PTPRT: variants seen among roughly 807,000 people sequenced by gnomAD.
PTPRT encodes the protein protein tyrosine phosphatase receptor type T.
In PTPRT, 56 loss-of-function variants were observed where a neutral mutation model predicts 176.8. The ratio of observed to expected loss-of-function variants is 0.32; its 90% CI spans 0.26 to 0.40. The LOEUF (loss-of-function observed/expected upper bound fraction) is 0.40. Ranked by LOEUF, PTPRT falls within the 10% of genes least tolerant of loss-of-function variation. The pLI is 1.00. For synonymous variants in PTPRT, 783 were observed against 739.0 expected (o/e 1.06, Z -0.96); for missense variants, 1,540 against 1,908.2 (o/e 0.81, Z 3.60).
intron 1 of PTPRT, among the ~76,000 whole-genome samples, chr20:42,971,671 T>C (rs1270130077): frequency 6.6e-6 from 1 of 152,136 alleles, no homozygotes; most frequent in Non-Finnish European, 1.5e-5. Context: ...CTAGAAAGAT[T>C]CCCTAAATAT....
rs75922605 is a variant in PTPRT, at chr20:42,140,880, T to C, written c.2770+1035A>G. On this transcript the variant is annotated intron_variant, in intron 18 of 30. Transcript: ENST00000373187. ...CTAAGAGTAATGGTGCCAGGCACTG[T>C]AGCAAGAGTTTTATGTACCTTTAAA... Among the ~76,000 whole-genome samples the C allele has an allele frequency of 7.3e-3, 1,118 of 152,272 alleles. 14 individuals are homozygous for C. The highest frequency in any genetic ancestry group is 0.025 in the African/African-American group (1,027 of 41,546).
intron 15 of PTPRT, among the ~76,000 whole-genome samples, chr20:42,204,963 C>T (rs1490684156): frequency 2.1e-5 from 3 of 145,680 alleles, no homozygotes; most frequent in East Asian, 2.1e-4. Flanking sequence ...CTTGATACAA[C>T]GAAGGAATTT....
chr20:42,541,311 T>C (rs1436033548), intron 7 of PTPRT, among the ~76,000 whole-genome samples: 1 of 151,714 alleles, frequency 6.6e-6, no homozygotes. Context: ...GTGTTGGGGG[T>C]AGATTAGCTA....
chr20:42,747,319 T>C (rs1280257124), intron 6 of PTPRT, among the ~76,000 whole-genome samples: 2 of 152,142 alleles, frequency 1.3e-5, no homozygotes, highest in Non-Finnish European at 2.9e-5. Context: ...ACAGCAAATG[T>C]TTAAGCCCCT....
chr20:43,137,491 A>T (rs2013869530), intron 1 of PTPRT, among the ~76,000 whole-genome samples: 1 of 152,192 alleles, frequency 6.6e-6, no homozygotes, highest in South Asian at 2.1e-4. Context: ...TTGCAGAAAA[A>T]GTTAGCTACT....
At chr20:42,745,254 G>A (rs1477181868) in intron 6 of PTPRT, among the ~76,000 whole-genome samples, 1 of 152,168 alleles carries the variant, frequency 6.6e-6, no homozygotes, top group Non-Finnish European at 1.5e-5. Context: ...CAGCTCCATT[G>A]GCCAGAGGCC....
chr20:42,629,084 A>C (rs961161217), intron 7 of PTPRT, among the ~76,000 whole-genome samples: 3 of 152,144 alleles, frequency 2.0e-5, no homozygotes, highest in Admixed American at 6.5e-5. Context: ...TGAGATGGCC[A>C]GGCTAGATTT....
intron 22 of PTPRT, among the ~76,000 whole-genome samples, chr20:42,114,859 C>CT (rs1420741519): frequency 6.6e-6 from 1 of 152,208 alleles, no homozygotes; most frequent in Non-Finnish European, 1.5e-5. Context: ...CTGGTTCCTC[C>CT]TCCCTCATTC....
chr20:42,134,278 T>C (rs1392117814), intron 18 of PTPRT, among the ~76,000 whole-genome samples: 1 of 152,240 alleles, frequency 6.6e-6, no homozygotes, highest in Admixed American at 6.5e-5. Flanking sequence ...AGAATGTTCA[T>C]TATGCTCTAT....
At chr20:42,094,520 T>G (rs1055544950) in intron 27 of PTPRT, among the ~76,000 whole-genome samples, 14 of 152,152 alleles carry the variant, frequency 9.2e-5, no homozygotes, top group Non-Finnish European at 2.1e-4. Flanking sequence ...TCTCCTGGGC[T>G]CAAGTGATCC....
chr20:43,053,320 T>C (rs928821935), intron 1 of PTPRT, among the ~76,000 whole-genome samples: 1 of 152,208 alleles, frequency 6.6e-6, no homozygotes, highest in African/African-American at 2.4e-5. Context: ...ATCTGGATCA[T>C]GGCGGCTGAC....
chr20:42,493,034 A>G (rs979342760), intron 7 of PTPRT, among the ~76,000 whole-genome samples: 2 of 152,176 alleles, frequency 1.3e-5, no homozygotes, highest in Admixed American at 1.3e-4. Flanking sequence ...GCTAACTTGT[A>G]TCCACCTTAA....
intron 1 of PTPRT, among the ~76,000 whole-genome samples, chr20:43,177,040 A>G (rs1397843212): frequency 2.0e-5 from 3 of 152,226 alleles, no homozygotes; most frequent in Admixed American, 6.5e-5. Flanking sequence ...TAAAAAATGT[A>G]TAAGTTTGGG....
chr20:42,039,751 G>GTA, the PTPRT span, among the ~76,000 whole-genome samples: 13 of 141,930 alleles, frequency 9.2e-5, no homozygotes, highest in South Asian at 2.2e-4. Flanking sequence ...ATGTATTTAT[G>GTA]TATATATATA....
At chr20:42,610,482 A>T (rs2073957791) in intron 7 of PTPRT, among the ~76,000 whole-genome samples, 1 of 151,870 alleles carries the variant, frequency 6.6e-6, no homozygotes, top group Non-Finnish European at 1.5e-5. Context: ...GGCCTCCCAA[A>T]GGGCTGGGAT....
chr20:42,829,554 C>A (rs2078053289), intron 2 of PTPRT, among the ~76,000 whole-genome samples: 1 of 152,112 alleles, frequency 6.6e-6, no homozygotes, highest in Non-Finnish European at 1.5e-5. Context: ...ATGGTGAAAC[C>A]CCATCTCTAC....
At chr20:43,137,961 C>T (rs1241908895) in intron 1 of PTPRT, among the ~76,000 whole-genome samples, 1 of 152,218 alleles carries the variant, frequency 6.6e-6, no homozygotes, top group Non-Finnish European at 1.5e-5. Context: ...GTTCAATTCA[C>T]TTCCCCGGGT....
chr20:42,393,054 T>C lies in PTPRT; in HGVS notation c.1561-40769A>G, dbSNP rs556369033. ...TCTAATGGTGATAAACTGAAGGGAA[T>C]TTAGCAAGATCTATTTTGTAACGAT... On this transcript the variant is annotated intron_variant, in intron 9 of 30. Transcript: ENST00000373187. Among the ~76,000 whole-genome samples the C allele has an allele frequency of 7.2e-5, 11 of 152,186 alleles. No individual in the cohort carries two copies. The South Asian group carries it at 2.3e-3, about 32-fold the overall frequency.
At chr20:42,350,791 G>T in intron 10 of PTPRT, 61 bp from the exon 11 acceptor site, 1 of 1,164,282 alleles carries the variant, frequency 8.6e-7, no homozygotes. Flanking sequence ...GCTCCCCACC[G>T]CCCCTTGCTG....
Sources: allele counts gnomAD v4.1 joint callset (sites outside exome capture counted in the v4.1 genomes callset), GRCh38; gene constraint gnomAD v4.1.1; transcripts MANE v1.5; gene names NCBI Gene and HGNC (gene_info 2026-07-23, HGNC 2026-07-21).